TRIO: variants seen among roughly 807,000 people sequenced by gnomAD.
TRIO encodes trio Rho guanine nucleotide exchange factor.
TRIO carries 58 observed loss-of-function variants against 351.9 expected under a neutral mutation model. The observed-to-expected ratio is 0.16, with a 90% CI of 0.13 to 0.21. The LOEUF is 0.21. Ranked by LOEUF, TRIO falls within the 10% of genes least tolerant of loss-of-function variation. The probability of loss-of-function intolerance (pLI) is 1.00; values close to 1 mark genes in which losing one functional copy is unlikely to be tolerated. For missense variants in TRIO, 3,201 were observed against 4,027.8 expected, an observed-to-expected ratio of 0.79 and a Z score of 5.56; for synonymous variants, 1,758 against 1,595.7, an observed-to-expected ratio of 1.10 and a Z score of -2.42.
intron 11 of TRIO, among the ~76,000 whole-genome samples, chr5:14,357,160 T>C (rs1469825667): frequency 6.6e-6 from 1 of 152,248 alleles, no homozygotes; most frequent in East Asian, 1.9e-4. Flanking sequence ...ACACAGTTTC[T>C]TTCTGCAAGT....
At chr5:14,418,234 G>A (rs2152388279) in intron 33 of TRIO, among the ~76,000 whole-genome samples, 1 of 152,278 alleles carries the variant, frequency 6.6e-6, no homozygotes, top group African/African-American at 2.4e-5. Flanking sequence ...GGAGGGAGGT[G>A]CTTCTGGCCA....
intron 1 of TRIO, among the ~76,000 whole-genome samples, chr5:14,183,557 C>T (rs1317886434): frequency 1.3e-5 from 2 of 149,346 alleles, no homozygotes; most frequent in African/African-American, 5.0e-5. Context: ...TCCTCCCTTC[C>T]CCCCCAAGAA....
Position 14,336,589 on chromosome 5 carries a change from G to C in TRIO, c.1908G>C (p.Gln636His), listed in dbSNP as rs200911185. 3.8e-5 allele frequency: 61 copies of C among 1,614,198 alleles called. No individual in the cohort carries two copies. The highest frequency in any genetic ancestry group is 4.7e-5 in the Non-Finnish European group (55 of 1,180,040). Residue 636 changes from glutamine (Q) to histidine (H), a missense_variant, in exon 11 of 57, where the codon CAG becomes CAC. This residue lies in a region of TRIO where 38 missense variants were observed against 93.4 expected (regional missense o/e 0.41). Transcript: ENST00000344204. ...KLLEAAEQLAQTGECDPEEIY... is the reference protein window; with the variant it reads ...KLLEAAEQLAHTGECDPEEIY... ...TGGAAGCAGCAGAACAGCTGGCTCA[G>C]ACTGGGGAATGTGACCCCGAAGAGA...
intron 1 of TRIO, among the ~76,000 whole-genome samples, chr5:14,144,904 A>AGGAGGC (rs1554020771): frequency 8.7e-5 from 13 of 149,198 alleles, no homozygotes; most frequent in African/African-American, 2.7e-4. Context: ...GAGGAGGAGG[A>AGGAGGC]GGCGGCGGCG....
Position 14,419,886 on chromosome 5 carries a change from C to A in TRIO, c.5068C>A (p.His1690Asn). Reference protein sequence around the residue: ...GQTVEVLERPHDKPDWCLVRT... With the variant: ...GQTVEVLERPNDKPDWCLVRT... Reference sequence around the variant, plus strand: ...GACCGTGGAAGTTCTGGAGCGGCCGCATGACAAGCCTGACTGGTGTCTGGT... The same window carrying A: ...GACCGTGGAAGTTCTGGAGCGGCCGAATGACAAGCCTGACTGGTGTCTGGT... Residue 1690 changes from histidine (H) to asparagine (N), a missense_variant, in exon 34 of 57, where the codon CAT (histidine) becomes AAT (asparagine). Transcript: ENST00000344204. 2 of 1,614,172 alleles carry A rather than the reference C, an allele frequency of 1.2e-6. No individual in the cohort carries two copies. Among genetic ancestry groups the A allele is most frequent in the Non-Finnish European group, 1.7e-6 (2 of 1,180,006 alleles).
chr5:14,469,736 A>G (rs1235902700), intron 37 of TRIO, among the ~76,000 whole-genome samples: 1 of 152,248 alleles, frequency 6.6e-6, no homozygotes, highest in African/African-American at 2.4e-5. Flanking sequence ...TTGTCAGGAA[A>G]GATCAGATCT....
chr5:14,405,817 G>T, intron 31 of TRIO, 31 bp from the exon 32 acceptor site: 1 of 1,604,296 alleles, frequency 6.2e-7, no homozygotes, highest in Admixed American at 1.7e-5. Context: ...GGGCCGTTCC[G>T]TATCCTAAGC....
chr5:14,146,650 C>A lies in TRIO; in HGVS notation c.157+2768C>A, dbSNP rs188747423. 2.2e-4 allele frequency among the ~76,000 whole-genome samples: 33 copies of A among 152,342 alleles called. No individual in the cohort carries two copies. In the East Asian group the frequency reaches 6.0e-3, roughly 28 times the overall value. On this transcript the variant is annotated intron_variant, in intron 1 of 56. Coordinates refer to ENST00000344204, the MANE Select transcript of TRIO (RefSeq NM_007118.4). ...AAGTGCTCACATAAAGGTGCTGTCA[C>A]CTGGCAGGGTTTGGAGTTGGGCTCA...
At chr5:14,493,399 C>A in intron 49 of TRIO, among the ~76,000 whole-genome samples, 1 of 152,076 alleles carries the variant, frequency 6.6e-6, no homozygotes, top group Non-Finnish European at 1.5e-5. Flanking sequence ...GTATTTGTGT[C>A]ACATTTTGGT....
At position 14,497,948 on chromosome 5, in the gene TRIO, T is replaced by C; in HGVS notation, c.8047+74T>C. On this transcript the variant is annotated intron_variant, in intron 51 of 56. Transcript: ENST00000344204. This position sits in a 1 kb window ranked among gnomAD's most constrained non-coding sequence, Gnocchi z 4.4. ...TGGGGCATGTTTCAGAGCACTTGAG[T>C]GTGGCCTCTGGAAATGAGTTTTCCG... 1 of 1,611,032 alleles carries C rather than the reference T, an allele frequency of 6.2e-7. No individual in the cohort carries two copies. Among genetic ancestry groups the C allele is most frequent in the Non-Finnish European group, 8.5e-7 (1 of 1,177,404 alleles).
intron 31 of TRIO, among the ~76,000 whole-genome samples, chr5:14,403,549 T>G (rs867293319): frequency 3.5e-3 from 65 of 18,524 alleles, no homozygotes; most frequent in African/African-American, 8.0e-3. Flanking sequence ...GGGTGCAGGT[T>G]GTGAGGGTGC....
At chr5:14,259,413 C>T (rs1182121118) in intron 1 of TRIO, among the ~76,000 whole-genome samples, 1 of 152,242 alleles carries the variant, frequency 6.6e-6, no homozygotes. Context: ...ATGAATTTCT[C>T]TTTTCTCTTT....
At chr5:14,437,187 A>G (rs1751652358) in intron 34 of TRIO, among the ~76,000 whole-genome samples, 1 of 151,638 alleles carries the variant, frequency 6.6e-6, no homozygotes, top group Admixed American at 6.6e-5. Context: ...TCCTGTTTGG[A>G]TATTGAATTT....
intron 1 of TRIO, among the ~76,000 whole-genome samples, chr5:14,184,705 C>T (rs1341037251): frequency 1.3e-5 from 2 of 152,124 alleles, no homozygotes; most frequent in East Asian, 3.8e-4. Context: ...ATGTTTCTTT[C>T]CAGTACATAG....
At chr5:14,209,348 C>A (rs1298822894) in intron 1 of TRIO, among the ~76,000 whole-genome samples, 1 of 152,218 alleles carries the variant, frequency 6.6e-6, no homozygotes, top group Non-Finnish European at 1.5e-5. Context: ...ACGTTTTAGA[C>A]ATACATAGAA....
At chr5:14,176,460 ACT>A (rs1789412462) in intron 1 of TRIO, among the ~76,000 whole-genome samples, 1 of 151,300 alleles carries the variant, frequency 6.6e-6, no homozygotes, top group African/African-American at 2.4e-5. Context: ...ACACAGCGAG[ACT>A]CTGTCTCAAA....
At chr5:14,477,960 C>T (rs558684244) in intron 41 of TRIO, among the ~76,000 whole-genome samples, 5 of 152,196 alleles carry the variant, frequency 3.3e-5, no homozygotes, top group Non-Finnish European at 2.9e-5. Flanking sequence ...TTTTCACTAA[C>T]AAACACTGCC....
intron 40 of TRIO, among the ~76,000 whole-genome samples, chr5:14,475,076 T>C (rs1473223969): frequency 6.6e-6 from 1 of 152,170 alleles, no homozygotes; most frequent in Non-Finnish European, 1.5e-5. Context: ...GCAATCCATC[T>C]GGGGGCTGGT....
rs769756833 is a variant in TRIO, at chr5:14,461,090, G to A, written c.5275G>A (p.Gly1759Arg). 3 of 1,572,456 alleles carry A rather than the reference G, an allele frequency of 1.9e-6. No individual in the cohort carries two copies. Among genetic ancestry groups the A allele is most frequent in the Admixed American group, 1.8e-5 (1 of 55,036 alleles). Residue 1759 changes from glycine (G) to arginine (R), a missense_variant, in exon 35 of 57, where the codon GGG becomes AGG. Around this residue, in one of 19 missense-constraint regions of TRIO, gnomAD observed 193 missense variants for 218.8 expected, o/e 0.88. Transcript: ENST00000344204. The stretch of plus-strand genomic sequence containing the variant: ...GGCTTCCCTCCAGCCCCACATGATC[G>A]GGGCCCAGAGCTCGCCGGGCCCCAA... ...SVASLQPHMI[G>R]AQSSPGPKRP...
Sources: allele counts gnomAD v4.1 joint callset (sites outside exome capture counted in the v4.1 genomes callset), GRCh38; gene constraint gnomAD v4.1.1; regional missense constraint gnomAD v4.1.1; non-coding constraint Gnocchi (gnomAD v3.1); transcripts MANE v1.5; gene names NCBI Gene and HGNC (gene_info 2026-07-23, HGNC 2026-07-21).